Variants in MED12L observed in about 807,000 individuals in gnomAD.
MED12L encodes the protein mediator complex subunit 12L.
In MED12L, 60 loss-of-function variants were observed where a neutral mutation model predicts 281.3. The observed-to-expected ratio is 0.21, with a 90% CI of 0.17 to 0.26. The LOEUF (loss-of-function observed/expected upper bound fraction) is 0.26. Among genes scored for constraint, MED12L ranks in the 10% least tolerant of loss-of-function variants. MED12L has a pLI of 1.00. For synonymous variants in MED12L, 974 were observed against 987.2 expected, an observed-to-expected ratio of 0.99 and a Z score of 0.25; for missense variants, 2,146 against 2,680.9, an observed-to-expected ratio of 0.80 and a Z score of 4.41.
intron 32 of MED12L, 36 bp downstream of exon 32, chr3:151,380,260 C>G (rs778632143): frequency 1.5e-6 from 2 of 1,333,580 alleles, no homozygotes; most frequent in East Asian, 2.4e-5. Flanking sequence ...AGGCAAATAT[C>G]TTTCTAACGG....
chr3:151,213,569 G>C, intron 16 of MED12L: 1 of 1,614,066 alleles, frequency 6.2e-7, no homozygotes. Flanking sequence ...CTGGCAATAT[G>C]GTAAGGTACA....
At chr3:151,238,498 A>G (rs2149365187) in intron 16 of MED12L, among the ~76,000 whole-genome samples, 1 of 152,322 alleles carries the variant, frequency 6.6e-6, no homozygotes, top group South Asian at 2.1e-4. Context: ...GGTTCCTGAC[A>G]CCCTTTCAGA....
chr3:151,222,484 G>C (rs1729563296), intron 16 of MED12L, among the ~76,000 whole-genome samples: 3 of 152,160 alleles, frequency 2.0e-5, no homozygotes, highest in African/African-American at 4.8e-5. Context: ...TATGGGAGTA[G>C]ATCTTTCTGT....
intron 16 of MED12L, among the ~76,000 whole-genome samples, chr3:151,311,771 A>G (rs1232133829): frequency 6.6e-6 from 1 of 152,160 alleles, no homozygotes; most frequent in Non-Finnish European, 1.5e-5. Context: ...TCATGCCTGT[A>G]ATCCCAGCAC....
chr3:151,384,278 G>A, intron 35 of MED12L, 60 bp downstream of exon 35: 4 of 1,462,138 alleles, frequency 2.7e-6, no homozygotes, highest in African/African-American at 1.4e-5. Context: ...ATTATCTAGT[G>A]CATTTTAATT....
chr3:151,417,646 C>A (rs1717773018), intron 43 of MED12L, among the ~76,000 whole-genome samples: 1 of 151,986 alleles, frequency 6.6e-6, no homozygotes, highest in South Asian at 2.1e-4. Flanking sequence ...CCACCACACC[C>A]AGCTAAATTT....
At chr3:151,378,307 T>G in intron 31 of MED12L, 134 bp downstream of exon 31, 7 of 898,378 alleles carry the variant, frequency 7.8e-6, no homozygotes, top group South Asian at 2.7e-5. Context: ...GGGAATATTC[T>G]ATTAGGCAAG....
At chr3:151,102,393 A>T (rs976339975) in intron 2 of MED12L, among the ~76,000 whole-genome samples, 1 of 152,126 alleles carries the variant, frequency 6.6e-6, no homozygotes, top group African/African-American at 2.4e-5. Flanking sequence ...ACCAGGGGAA[A>T]TTTGTTTCCT....
chr3:151,198,344 T>TG (rs61332153), intron 16 of MED12L: 201,118 of 910,402 alleles, frequency 0.22, 13,884 homozygotes, highest in East Asian at 0.35. Flanking sequence ...TTTTTTTTGT[T>TG]TTTTTTTTTT....
At chr3:151,111,671 C>T (rs958396647) in intron 2 of MED12L, among the ~76,000 whole-genome samples, 2 of 152,182 alleles carry the variant, frequency 1.3e-5, no homozygotes, top group African/African-American at 2.4e-5. Context: ...CCATTGTTGT[C>T]GTGTTGCAGC....
At chr3:151,213,599 A>T in intron 16 of MED12L, 3 of 1,614,190 alleles carry the variant, frequency 1.9e-6, no homozygotes, top group Non-Finnish European at 2.5e-6. Context: ...AAAAACACAA[A>T]CACGATGCTG....
chr3:151,140,122 T>G (rs1306407509), intron 5 of MED12L, among the ~76,000 whole-genome samples: 1 of 152,248 alleles, frequency 6.6e-6, no homozygotes, highest in East Asian at 1.9e-4. Context: ...AGCTAACTAC[T>G]TGCTTTTTGG....
intron 16 of MED12L, chr3:151,294,074 T>G: frequency 1.3e-6 from 1 of 798,882 alleles, no homozygotes. Flanking sequence ...TTTTAGTTCT[T>G]TGAATTCATA....
At chr3:151,388,299 C>T in intron 37 of MED12L, 127 bp downstream of exon 37, 1 of 1,159,496 alleles carries the variant, frequency 8.6e-7, no homozygotes, top group African/African-American at 1.6e-5. Flanking sequence ...GTTCTCCTAA[C>T]AGGTTTCTGC....
intron 4 of MED12L, among the ~76,000 whole-genome samples, chr3:151,124,794 A>G (rs1457316443): frequency 6.6e-6 from 1 of 152,136 alleles, no homozygotes; most frequent in Non-Finnish European, 1.5e-5. Context: ...ACTCAATCAC[A>G]ATTGTAGATA....
intron 12 of MED12L, among the ~76,000 whole-genome samples, chr3:151,185,978 A>G (rs919809479): frequency 2.0e-5 from 3 of 152,200 alleles, no homozygotes; most frequent in South Asian, 2.1e-4. Context: ...GCACATGTGT[A>G]TAAGATATAC....
rs1559891213 is a variant in MED12L, at chr3:151,217,793, A to T, written c.2250+24127A>T. On this transcript the variant is annotated intron_variant, in intron 16 of 44. Coordinates refer to ENST00000687756, the MANE Select transcript of MED12L (RefSeq NM_001393769.1). ...AACTCTTAAATATTGATTTTTTTTT[A>T]AAAGCAGTGGGGTTAATGGTGAGAA... is the stretch of plus-strand genomic sequence containing the variant. Among the ~76,000 whole-genome samples, 4 of 151,968 alleles carry T rather than the reference A, an allele frequency of 2.6e-5. No homozygotes were observed. In the South Asian group the frequency reaches 6.2e-4, roughly 24 times the overall value.
intron 12 of MED12L, among the ~76,000 whole-genome samples, chr3:151,187,724 C>T (rs952315460): frequency 2.0e-5 from 3 of 152,156 alleles, no homozygotes; most frequent in Non-Finnish European, 4.4e-5. Context: ...ATCTTATTGG[C>T]GGAATGTGAT....
At chr3:151,420,042 A>G (rs1402727127) in intron 43 of MED12L, among the ~76,000 whole-genome samples, 1 of 152,146 alleles carries the variant, frequency 6.6e-6, no homozygotes, top group Non-Finnish European at 1.5e-5. Context: ...GCACCTCAGC[A>G]GGTCGTGTTT....
Sources: gnomAD v4.1 joint callset for allele counts (sites outside exome capture counted in the v4.1 genomes callset) on GRCh38, gnomAD v4.1.1 for gene constraint, MANE v1.5 for transcripts, NCBI Gene and HGNC (gene_info 2026-07-23, HGNC 2026-07-21) for gene names.